The following FBXO33 variants were observed in gnomAD, a reference collection of about 807,000 sequenced individuals.
FBXO33 encodes F-box protein 33, also known as F-box only protein 33.
FBXO33 carries 22 observed loss-of-function variants against 46.3 expected under a neutral mutation model. The ratio of observed to expected loss-of-function variants is 0.48; its 90% CI spans 0.34 to 0.68. The LOEUF is 0.68. FBXO33 is among the 30% of genes least tolerant of loss of function. The pLI is 0.01. For synonymous variants in FBXO33, 337 were observed against 291.3 expected, an observed-to-expected ratio of 1.16 and a Z score of -1.60; for missense variants, 692 against 708.8, an observed-to-expected ratio of 0.98 and a Z score of 0.27.
intron 1 of FBXO33, among the ~76,000 whole-genome samples, chr14:39,409,858 T>C (rs2075414657): frequency 6.6e-6 from 1 of 152,238 alleles, no homozygotes; most frequent in South Asian, 2.1e-4. Flanking sequence ...TCCCGTTGAA[T>C]ATATAGAACT....
At chr14:39,421,323 G>C (rs1377790370) in intron 1 of FBXO33, among the ~76,000 whole-genome samples, 1 of 152,102 alleles carries the variant, frequency 6.6e-6, no homozygotes, top group Non-Finnish European at 1.5e-5. Context: ...TCACCTTAAG[G>C]AGTATACGTG....
At chr14:39,411,877 T>C (rs924804914) in intron 1 of FBXO33, among the ~76,000 whole-genome samples, 2 of 152,244 alleles carry the variant, frequency 1.3e-5, no homozygotes, top group African/African-American at 4.8e-5. Flanking sequence ...TTGTAAATTT[T>C]CCTTTTATTG....
intron 1 of FBXO33, among the ~76,000 whole-genome samples, chr14:39,428,258 T>C (rs1029914241): frequency 6.6e-6 from 1 of 152,052 alleles, no homozygotes; most frequent in African/African-American, 2.4e-5. Flanking sequence ...CAGGATGGAG[T>C]GCAGTAGCAC....
intron 1 of FBXO33, among the ~76,000 whole-genome samples, chr14:39,410,489 T>C (rs907599551): frequency 1.3e-5 from 2 of 152,240 alleles, no homozygotes; most frequent in Non-Finnish European, 2.9e-5. Flanking sequence ...TATAGTTTTA[T>C]TGTTAGTGTC....
rs906110968 is a variant in FBXO33 at position 39,399,360 on chromosome 14, C to T, written c.*156G>A. On this transcript the variant is annotated 3_prime_UTR_variant, in exon 4 of 4. Coordinates refer to ENST00000298097, the MANE Select transcript of FBXO33 (RefSeq NM_203301.4). Reference sequence around the variant, plus strand: ...GAACTTCTAAACCAATACCCGACTACGTTCTTTGATCAAGAAGTAGAATAT... The same window carrying T: ...GAACTTCTAAACCAATACCCGACTATGTTCTTTGATCAAGAAGTAGAATAT... The T allele has an allele frequency of 1.5e-5, 10 of 650,926 alleles. No homozygotes were observed. The South Asian group carries it at 1.9e-4, about 12-fold the overall frequency. 40.3% of individuals were successfully genotyped at this position (650,926 alleles called of 1,614,324 possible). A position where few individuals can be genotyped will look rare whatever the true frequency, so the allele number is the denominator to read the frequency against.
At chr14:39,417,536 A>AC (rs2075454457) in intron 1 of FBXO33, among the ~76,000 whole-genome samples, 1 of 149,012 alleles carries the variant, frequency 6.7e-6, no homozygotes, top group Admixed American at 6.7e-5. Context: ...AAGTATTGTT[A>AC]TTTTTTTTTT....
chr14:39,426,902 C>T (rs1022027215), intron 1 of FBXO33, among the ~76,000 whole-genome samples: 2 of 152,084 alleles, frequency 1.3e-5, no homozygotes, highest in Admixed American at 6.6e-5. Flanking sequence ...TCCTTCTTTC[C>T]TTTGTCTACT....
intron 1 of FBXO33, among the ~76,000 whole-genome samples, chr14:39,423,548 AATAG>A (rs149989543): frequency 0.057 from 8,741 of 152,250 alleles, 825 homozygotes; most frequent in African/African-American, 0.2. Context: ...TCAGCAATAG[AATAG>A]ATAAATTACA....
Position 39,431,787 on chromosome 14 carries a change from C to G in FBXO33, c.376G>C (p.Glu126Gln). 3 of 1,612,480 alleles carry G rather than the reference C, an allele frequency of 1.9e-6. No individual in the cohort carries two copies. The highest frequency in any genetic ancestry group is 3.3e-4 in the Middle Eastern group (2 of 6,062). Reference protein sequence around the residue: ...RVSPAEQPRLEFLMRKCGWFV... With the variant: ...RVSPAEQPRLQFLMRKCGWFV... ...CAGCCGCACTTGCGCATGAGGAATT[C>G]CAGCCGAGGCTGCTCCGCGGGCGAG... is the stretch of plus-strand genomic sequence containing the variant. The change falls in exon 1 of 4, where the codon GAA becomes CAA. Residue 126 changes from glutamate to glutamine, a missense_variant. Physicochemically the swap from Glu to Gln is conservative, Grantham distance 29. Around this residue, in one of 3 missense-constraint regions of FBXO33, gnomAD observed 412 missense variants for 370.8 expected, o/e 1.11. Coordinates refer to ENST00000298097, the MANE Select transcript of FBXO33 (RefSeq NM_203301.4).
intron 1 of FBXO33, among the ~76,000 whole-genome samples, chr14:39,418,458 T>C (rs1255104545): frequency 6.6e-6 from 1 of 151,592 alleles, no homozygotes; most frequent in Non-Finnish European, 1.5e-5. Flanking sequence ...AAGAACTTAA[T>C]TTACTTCAAA....
intron 1 of FBXO33, among the ~76,000 whole-genome samples, chr14:39,422,435 A>G (rs531556346): frequency 6.6e-6 from 1 of 152,338 alleles, no homozygotes; most frequent in South Asian, 2.1e-4. Flanking sequence ...CACAGTAGCC[A>G]GACTGTTCCT....
chr14:39,414,238 G>T (rs1031441707), intron 1 of FBXO33, among the ~76,000 whole-genome samples: 4 of 152,292 alleles, frequency 2.6e-5, no homozygotes, highest in South Asian at 4.1e-4. Flanking sequence ...TAAACCTCAT[G>T]AACCAACCTC....
intron 1 of FBXO33, among the ~76,000 whole-genome samples, chr14:39,421,849 GGGGAAAAA>G (rs2075486585): frequency 6.6e-6 from 1 of 151,328 alleles, no homozygotes; most frequent in African/African-American, 2.4e-5. Context: ...TAACCAAAAA[GGGGAAAAA>G]TATTTTTAGA....
In FBXO33 at chr14:39,402,494, C is replaced by G; in HGVS notation, c.617G>C (p.Ser206Thr). The stretch of plus-strand genomic sequence containing the variant: ...TAGAACACTTATGTCTCCAAAAAGA[C>G]TAAACTTCTGAAGGTTCCTACAAGA... ...IRNNRNLQKF[S>T]LFGDISVLQQ... The change falls in exon 2 of 4, where the codon AGT (serine) becomes ACT (threonine). Residue 206 changes from serine to threonine, a missense_variant. This residue lies in a region of FBXO33 where 412 missense variants were observed against 370.8 expected (regional missense o/e 1.11). Coordinates refer to ENST00000298097, the MANE Select transcript of FBXO33 (RefSeq NM_203301.4). 6.5e-7 allele frequency: 1 copy of G among 1,527,514 alleles called. No individual in the cohort carries two copies. Among genetic ancestry groups the G allele is most frequent in the Non-Finnish European group, 8.8e-7 (1 of 1,135,590 alleles). 94.6% of individuals were successfully genotyped at this position (1,527,514 alleles called of 1,614,324 possible). A position where few individuals can be genotyped will look rare whatever the true frequency, so the allele number is the denominator to read the frequency against.
intron 1 of FBXO33, among the ~76,000 whole-genome samples, chr14:39,422,280 A>C (rs1365524209): frequency 6.6e-6 from 1 of 152,118 alleles, no homozygotes; most frequent in African/African-American, 2.4e-5. Context: ...AAAACAAAAA[A>C]CAAAATAAAC....
chr14:39,403,156 A>G (rs1356938666), intron 1 of FBXO33, among the ~76,000 whole-genome samples: 1 of 152,232 alleles, frequency 6.6e-6, no homozygotes, highest in Non-Finnish European at 1.5e-5. Context: ...AAACCAGTTA[A>G]TTTAGTCAAC....
At chr14:39,404,278 T>TTTGACACTGTAAGG (rs2075382149) in intron 1 of FBXO33, among the ~76,000 whole-genome samples, 2 of 152,174 alleles carry the variant, frequency 1.3e-5, no homozygotes, top group Admixed American at 1.3e-4. Flanking sequence ...CATGGGCATA[T>TTTGACACTGTAAGG]TTGACACTGT....
chr14:39,419,218 G>C (rs2075467042), intron 1 of FBXO33, among the ~76,000 whole-genome samples: 1 of 152,140 alleles, frequency 6.6e-6, no homozygotes, highest in South Asian at 2.1e-4. Context: ...TCAAGTGATA[G>C]GAAAAATTAT....
intron 1 of FBXO33, among the ~76,000 whole-genome samples, chr14:39,426,879 CA>C (rs2075517965): frequency 6.6e-6 from 1 of 152,224 alleles, no homozygotes; most frequent in Non-Finnish European, 1.5e-5. Flanking sequence ...TTTATTTTCA[CA>C]ACCTGAAATA....
Sources: gnomAD v4.1 joint callset for allele counts (sites outside exome capture counted in the v4.1 genomes callset) on GRCh38, gnomAD v4.1.1 for gene constraint, gnomAD v4.1.1 regional missense constraint, MANE v1.5 for transcripts, NCBI Gene and HGNC (gene_info 2026-07-23, HGNC 2026-07-21) for gene names.